Variants in ACTR3C observed in about 807,000 individuals in gnomAD.
ACTR3C encodes actin related protein 3C.
In ACTR3C, 18 loss-of-function variants were observed where a neutral mutation model predicts 26.3. The ratio of observed to expected loss-of-function variants is 0.68; its 90% CI spans 0.47 to 1.01. The LOEUF is 1.01. ACTR3C is among the 50% of genes least tolerant of loss of function. The pLI is 0.00. For synonymous variants in ACTR3C, 55 were observed against 94.5 expected, an observed-to-expected ratio of 0.58 and a Z score of 2.42; for missense variants, 184 against 250.7, an observed-to-expected ratio of 0.73 and a Z score of 1.80.
chr7:150,256,916 AT>A (rs1833259303), intron 6 of ACTR3C, among the ~76,000 whole-genome samples: 1 of 152,232 alleles, frequency 6.6e-6, no homozygotes, highest in African/African-American at 2.4e-5. Flanking sequence ...GAATAATTAT[AT>A]CCTAATATAT....
chr7:149,892,237 C>G, the ACTR3C span: 1 of 1,438,668 alleles, frequency 7.0e-7, no homozygotes, highest in Non-Finnish European at 9.5e-7. Context: ...TCCTACTGCT[C>G]TACACTTAGA....
At chr7:150,180,568 A>T in the ACTR3C span, among the ~76,000 whole-genome samples, 4 of 139,324 alleles carry the variant, frequency 2.9e-5, no homozygotes, top group Admixed American at 2.1e-4. Context: ...GCTGGAGTGC[A>T]GTGGCGCGGT....
the ACTR3C span, among the ~76,000 whole-genome samples, chr7:150,197,926 T>G: frequency 1.1e-4 from 17 of 149,384 alleles, 1 homozygote; most frequent in Admixed American, 9.9e-4. Flanking sequence ...ACTGTACTGC[T>G]GCCATCTCGG....
chr7:150,122,621 C>A, the ACTR3C span, among the ~76,000 whole-genome samples: 1 of 152,162 alleles, frequency 6.6e-6, no homozygotes, highest in African/African-American at 2.4e-5. Context: ...GAAATAAGAA[C>A]GCTTTTACAC....
At chr7:150,158,371 T>C in the ACTR3C span, among the ~76,000 whole-genome samples, 2 of 151,990 alleles carry the variant, frequency 1.3e-5, no homozygotes, top group African/African-American at 2.4e-5. Flanking sequence ...TAAAATGAAA[T>C]CATTATCTCA....
chr7:149,990,349 ACAG>A, the ACTR3C span, among the ~76,000 whole-genome samples: 1 of 133,184 alleles, frequency 7.5e-6, no homozygotes, highest in Admixed American at 8.1e-5. Context: ...CCACAAGAAC[ACAG>A]CAGCAGCATG....
chr7:150,186,342 A>T, the ACTR3C span, among the ~76,000 whole-genome samples: 1 of 152,204 alleles, frequency 6.6e-6, no homozygotes, highest in Non-Finnish European at 1.5e-5. Flanking sequence ...TTCATTCTTT[A>T]GCAGTTTGAA....
chr7:150,198,243 T>G, the ACTR3C span, among the ~76,000 whole-genome samples: 1 of 149,128 alleles, frequency 6.7e-6, no homozygotes, highest in Admixed American at 6.6e-5. Flanking sequence ...GTGCCGAGAT[T>G]GCAGCCTCTG....
At chr7:150,303,876 A>G (rs1217811333) in intron 1 of ACTR3C, among the ~76,000 whole-genome samples, 4 of 152,250 alleles carry the variant, frequency 2.6e-5, no homozygotes, top group East Asian at 1.9e-4. Context: ...CAAAGCATCA[A>G]TGAATGCAAG....
At chr7:149,954,355 A>G in the ACTR3C span, among the ~76,000 whole-genome samples, 1 of 152,222 alleles carries the variant, frequency 6.6e-6, no homozygotes, top group African/African-American at 2.4e-5. Context: ...CAATGAATAA[A>G]TGGTTTGATA....
the ACTR3C span, among the ~76,000 whole-genome samples, chr7:150,212,575 A>G: frequency 2.0e-5 from 3 of 150,770 alleles, no homozygotes; most frequent in African/African-American, 2.5e-5. Flanking sequence ...TTATTTATTT[A>G]TATTTACACG....
At chr7:150,260,675 G>T (rs1215815454) in intron 6 of ACTR3C, among the ~76,000 whole-genome samples, 1 of 152,348 alleles carries the variant, frequency 6.6e-6, no homozygotes, top group Non-Finnish European at 1.5e-5. Flanking sequence ...TTCGGGGTCT[G>T]CGTGATCATC....
At chr7:150,184,538 C>T in the ACTR3C span, among the ~76,000 whole-genome samples, 3 of 150,124 alleles carry the variant, frequency 2.0e-5, no homozygotes, top group African/African-American at 7.6e-5. Flanking sequence ...AGAAAACACT[C>T]ACACCGCTAA....
the ACTR3C span, among the ~76,000 whole-genome samples, chr7:150,051,738 A>T: frequency 1.3e-5 from 2 of 149,744 alleles, no homozygotes; most frequent in Non-Finnish European, 3.0e-5. Flanking sequence ...TTTCCCTAGA[A>T]CAAATTTACA....
the ACTR3C span, among the ~76,000 whole-genome samples, chr7:150,081,933 G>A: frequency 2.0e-5 from 3 of 151,978 alleles, no homozygotes; most frequent in African/African-American, 7.3e-5. Context: ...TCATGCAAAT[G>A]TGCTCAGCCT....
chr7:150,235,457 G>A, the ACTR3C span, among the ~76,000 whole-genome samples: 62 of 152,118 alleles, frequency 4.1e-4, no homozygotes, highest in African/African-American at 1.4e-3. Context: ...TCAACACCCC[G>A]AAGCATCTTT....
the ACTR3C span, among the ~76,000 whole-genome samples, chr7:149,970,889 GC>G: frequency 6.6e-6 from 1 of 152,192 alleles, no homozygotes; most frequent in South Asian, 2.1e-4. Flanking sequence ...CTTACAGTGA[GC>G]ACATAATGGA....
chr7:150,239,503 G>GCTCT (rs1441896446), downstream of ACTR3C, among the ~76,000 whole-genome samples: 4 of 96,450 alleles, frequency 4.1e-5, 1 homozygote, highest in African/African-American at 2.0e-4. Flanking sequence ...CATAAAAGTT[G>GCTCT]CTCGCTCTCT....
At chr7:150,278,059 C>A (rs1323215467) in intron 6 of ACTR3C, among the ~76,000 whole-genome samples, 1 of 152,164 alleles carries the variant, frequency 6.6e-6, no homozygotes, top group Admixed American at 6.5e-5. Flanking sequence ...TGGCCCCAAG[C>A]ACATCCCAGG....
Sources: gnomAD v4.1 joint callset for allele counts (sites outside exome capture counted in the v4.1 genomes callset) on GRCh38, gnomAD v4.1.1 for gene constraint, MANE v1.5 for transcripts, NCBI Gene and HGNC (gene_info 2026-07-23, HGNC 2026-07-21) for gene names.